Variants in ZNF205 observed in about 807,000 individuals in gnomAD.
The protein encoded by ZNF205 is transcriptional repressor RHIT.
ZNF205 carries 32 observed loss-of-function variants against 53.6 expected under a neutral mutation model. The observed-to-expected ratio is 0.60, with a 90% CI of 0.45 to 0.80. The LOEUF (loss-of-function observed/expected upper bound fraction) is 0.80, where lower values mean the gene tolerates loss of function less well. Ranked by LOEUF, ZNF205 falls within the 30% of genes least tolerant of loss-of-function variation. ZNF205 has a pLI of 0.00. For missense variants in ZNF205, 836 were observed against 782.4 expected, an observed-to-expected ratio of 1.07 and a Z score of -0.82; for synonymous variants, 382 against 334.3, an observed-to-expected ratio of 1.14 and a Z score of -1.56.
chr16:3,116,036 C>T, intron 4 of ZNF205, 116 bp downstream of exon 4: 1 of 1,145,908 alleles, frequency 8.7e-7, no homozygotes, highest in Non-Finnish European at 1.3e-6. Context: ...AAGCCTGGGG[C>T]TCTTGCTAGT....
Position 3,120,179 on chromosome 16 carries a change from C to G in ZNF205, c.1519C>G (p.Pro507Ala). 6.2e-7 allele frequency: 1 copy of G among 1,606,672 alleles called. No homozygotes were observed. The highest frequency in any genetic ancestry group is 8.5e-7 in the Non-Finnish European group (1 of 1,175,510). The change falls in exon 7 of 7, where the codon CCG becomes GCG. Residue 507 changes from proline to alanine, a missense_variant. Transcript: ENST00000219091. ...CCGTGGCGTGCGGCCCTACGCCTGC[C>G]CGTTGTGCGGCAAGAGCTTCAGCCG... Reference protein sequence around the residue: ...THRGVRPYACPLCGKSFSRRS... With the variant: ...THRGVRPYACALCGKSFSRRS...
chr16:3,115,805 G>C (rs762728122), intron 3 of ZNF205, 24 bp from the exon 4 acceptor site: 4 of 1,599,150 alleles, frequency 2.5e-6, no homozygotes, highest in Non-Finnish European at 3.4e-6. Context: ...GCTGATCACC[G>C]TGAGGACCTC....
intron 5 of ZNF205, among the ~76,000 whole-genome samples, chr16:3,118,402 A>C (rs1200612838): frequency 6.6e-6 from 1 of 152,102 alleles, no homozygotes; most frequent in Non-Finnish European, 1.5e-5. Flanking sequence ...CAGATGCCTC[A>C]AGCCACCCGG....
chr16:3,115,560 C>T lies in ZNF205; in HGVS notation c.263C>T (p.Pro88Leu). 2 of 1,590,338 alleles carry T rather than the reference C, an allele frequency of 1.3e-6. No homozygotes were observed. The highest frequency in any genetic ancestry group is 2.7e-5 in the African/African-American group (2 of 73,454). Residue 88 changes from proline (P) to leucine (L), a missense_variant, in exon 3 of 7, where the codon CCT becomes CTT. By Grantham distance (98) the Pro-to-Leu change is moderately conservative. Coordinates refer to ENST00000219091, the MANE Select transcript of ZNF205 (RefSeq NM_001042428.2). Reference protein sequence around the residue: ...HGSKEKALFLPGGALPSPRIP... With the variant: ...HGSKEKALFLLGGALPSPRIP... Reference sequence around the variant, plus strand: ...TCTAAGGAGAAAGCTCTCTTCCTGCCTGGCGGAGGTAGGAGAGGGACGGGG... The same window carrying T: ...TCTAAGGAGAAAGCTCTCTTCCTGCTTGGCGGAGGTAGGAGAGGGACGGGG...
At chr16:3,115,726 C>A (rs1401203752) in intron 3 of ZNF205, 103 bp from the exon 4 acceptor site, 6 of 1,418,274 alleles carry the variant, frequency 4.2e-6, no homozygotes, top group Non-Finnish European at 5.8e-6. Context: ...AGCCATCCGA[C>A]CCTGTCCTTG....
rs375380569 is a variant in ZNF205, at chr16:3,119,006, G to A, written c.586G>A (p.Ala196Thr). 18 of 1,613,150 alleles carry A rather than the reference G, an allele frequency of 1.1e-5. No individual in the cohort carries two copies. Among genetic ancestry groups the A allele is most frequent in the East Asian group, 2.2e-5 (1 of 44,858 alleles). The change falls in exon 6 of 7, where the codon GCG becomes ACG. Residue 196 changes from alanine (A) to threonine (T), a missense_variant. By Grantham distance (58) the Ala-to-Thr change is moderately conservative. Coordinates refer to ENST00000219091, the MANE Select transcript of ZNF205 (RefSeq NM_001042428.2). ...AGGAGATGAGAAGGAGTGGAGAGGC[G>A]CGTGCACAGGTGAGGGACGGGCGCG... ...QAGDEKEWRG[A>T]CTGAVEVGQR...
At chr16:3,113,560 G>A in intron 2 of ZNF205, 73 bp downstream of exon 2, 1 of 1,548,414 alleles carries the variant, frequency 6.5e-7, no homozygotes, top group Non-Finnish European at 8.8e-7. Flanking sequence ...AAGGCACAGA[G>A]TCTGGACCCC....
In ZNF205 at chr16:3,115,533, G is replaced by A; in HGVS notation, c.236G>A (p.Gly79Asp). 2 of 1,597,002 alleles carry A rather than the reference G, an allele frequency of 1.3e-6. No homozygotes were observed. Among genetic ancestry groups the A allele is most frequent in the Non-Finnish European group, 1.7e-6 (2 of 1,174,356 alleles). ...GAWGWAPLSHGSKEKALFLPG... is the reference protein window; with the variant it reads ...GAWGWAPLSHDSKEKALFLPG... The stretch of plus-strand genomic sequence containing the variant: ...TGGGGCTGGGCACCCCTAAGTCACG[G>A]CTCTAAGGAGAAAGCTCTCTTCCTG... Residue 79 changes from glycine to aspartate, a missense_variant, in exon 3 of 7, where the codon GGC becomes GAC. Gly to Asp is a moderately conservative substitution (Grantham distance 94). Coordinates refer to ENST00000219091, the MANE Select transcript of ZNF205 (RefSeq NM_001042428.2).
rs1205122855 is a variant in ZNF205 at position 3,120,232 on chromosome 16, G to C, written c.1572G>C (p.Lys524Asn). The C allele has an allele frequency of 5.0e-6, 8 of 1,608,926 alleles. No homozygotes were observed. The highest frequency in any genetic ancestry group is 5.9e-6 in the Non-Finnish European group (7 of 1,179,736). ...SRRSNLHRHE[K>N]IHTTGPKALA... Reference sequence around the variant, plus strand: ...GCTCCAACCTGCACCGGCACGAGAAGATCCACACCACCGGGCCCAAGGCCC... The same window carrying C: ...GCTCCAACCTGCACCGGCACGAGAACATCCACACCACCGGGCCCAAGGCCC... Residue 524 changes from lysine to asparagine, a missense_variant, in exon 7 of 7, where the codon AAG becomes AAC. By Grantham distance (94) the Lys-to-Asn change is moderately conservative. Coordinates refer to ENST00000219091, the MANE Select transcript of ZNF205 (RefSeq NM_001042428.2).
Position 3,120,112 on chromosome 16 carries a change from C to A in ZNF205, c.1452C>A (p.Ser484Arg). Reference sequence around the variant, plus strand: ...ACCACTGCCTCGACTGCGGCAAGAGCTTCAGCCACAGCTCGCACCTCACCG... The same window carrying A: ...ACCACTGCCTCGACTGCGGCAAGAGATTCAGCCACAGCTCGCACCTCACCG... Reference protein sequence around the residue: ...KPYHCLDCGKSFSHSSHLTAH... With the variant: ...KPYHCLDCGKRFSHSSHLTAH... Residue 484 changes from serine (S) to arginine (R), a missense_variant, in exon 7 of 7, where the codon AGC (serine) becomes AGA (arginine). Ser to Arg is a moderately radical substitution (Grantham distance 110). Coordinates refer to ENST00000219091, the MANE Select transcript of ZNF205 (RefSeq NM_001042428.2). 1 of 1,613,804 alleles carries A rather than the reference C, an allele frequency of 6.2e-7. No homozygotes were observed. Among genetic ancestry groups the A allele is most frequent in the Non-Finnish European group, 8.5e-7 (1 of 1,179,842 alleles).
Position 3,120,046 on chromosome 16 carries a change from C to A in ZNF205, c.1386C>A (p.Asn462Lys). 6.2e-7 allele frequency: 1 copy of A among 1,613,918 alleles called. No individual in the cohort carries two copies. Among genetic ancestry groups the A allele is most frequent in the Non-Finnish European group, 8.5e-7 (1 of 1,179,924 alleles). The change falls in exon 7 of 7, where the codon AAC becomes AAA. Residue 462 changes from asparagine to lysine, a missense_variant. Asn to Lys is a moderately conservative substitution (Grantham distance 94). Coordinates refer to ENST00000219091, the MANE Select transcript of ZNF205 (RefSeq NM_001042428.2). ...GCAAGTGCTTCAGCCAGCGTTCCAACCTCATCGCGCACAACCGCACACACA... is the reference window on the plus strand; with the variant it reads ...GCAAGTGCTTCAGCCAGCGTTCCAAACTCATCGCGCACAACCGCACACACA... Reference protein sequence around the residue: ...ECGKCFSQRSNLIAHNRTHTG... With the variant: ...ECGKCFSQRSKLIAHNRTHTG...
rs1957415467 is a variant in ZNF205, at chr16:3,120,460, G to A, written c.*135G>A. On this transcript the variant is annotated 3_prime_UTR_variant, in exon 7 of 7. Transcript: ENST00000219091. ...GGCATGGGGTGAGGCATGGCGATGGGGGAGGGCGAGGGCGAGAAAGGGCAG... is the reference window on the plus strand; with the variant it reads ...GGCATGGGGTGAGGCATGGCGATGGAGGAGGGCGAGGGCGAGAAAGGGCAG... 1 of 1,057,604 alleles carries A rather than the reference G, an allele frequency of 9.5e-7. No individual in the cohort carries two copies. The highest frequency in any genetic ancestry group is 2.9e-5 in the Admixed American group (1 of 34,232). 65.5% of individuals were successfully genotyped at this position (1,057,604 alleles called of 1,614,324 possible). A position where few individuals can be genotyped will look rare whatever the true frequency, so the allele number is the denominator to read the frequency against.
intron 2 of ZNF205, among the ~76,000 whole-genome samples, chr16:3,113,796 TCTC>T (rs1276235210): frequency 1.3e-5 from 2 of 152,102 alleles, no homozygotes; most frequent in Non-Finnish European, 2.9e-5. Flanking sequence ...TCCCCGTGCT[TCTC>T]CACCTGGAAC....
In ZNF205 at chr16:3,115,900, C is replaced by T. The variant is rs1428717641; in HGVS notation, c.343C>T (p.Leu115Phe). The stretch of plus-strand genomic sequence containing the variant: ...CAGAGACCGGCAGATGGCTGCAGCG[C>T]TCCTCACTGCCTGGTCCCAGGTGAG... ...RTRDRQMAAA[L>F]LTAWSQMPVT... Residue 115 changes from leucine to phenylalanine, a missense_variant, in exon 4 of 7, where the codon CTC becomes TTC. Transcript: ENST00000219091. 2.2e-5 allele frequency: 35 copies of T among 1,613,802 alleles called. No homozygotes were observed. The highest frequency in any genetic ancestry group is 2.9e-5 in the Non-Finnish European group (34 of 1,179,984).
rs1164195280 is a variant in ZNF205, at chr16:3,119,786, C to T, written c.1126C>T (p.His376Tyr). Residue 376 changes from histidine (H) to tyrosine (Y), a missense_variant, in exon 7 of 7, where the codon CAC becomes TAC. Transcript: ENST00000219091. Reference sequence around the variant, plus strand: ...CGCCTGCCGGAAGAGCTTCAGCCACCACTCCACGCTGATTCAGCACCAGCG... The same window carrying T: ...CGCCTGCCGGAAGAGCTTCAGCCACTACTCCACGCTGATTCAGCACCAGCG... ...CPACRKSFSHHSTLIQHQRIH... is the reference protein window; with the variant it reads ...CPACRKSFSHYSTLIQHQRIH... The T allele has an allele frequency of 6.2e-7, 1 of 1,613,098 alleles. No homozygotes were observed. The highest frequency in any genetic ancestry group is 1.3e-5 in the African/African-American group (1 of 74,658).
chr16:3,116,109 C>A (rs1957342235), intron 4 of ZNF205, 189 bp downstream of exon 4: 2 of 722,004 alleles, frequency 2.8e-6, no homozygotes, highest in East Asian at 5.6e-5. Context: ...GGAGGAGAAG[C>A]AGCAGGAATT....
Position 3,120,233 on chromosome 16 carries a change from A to T in ZNF205, c.1573A>T (p.Ile525Phe). The T allele has an allele frequency of 1.2e-6, 2 of 1,608,758 alleles. No individual in the cohort carries two copies. Among genetic ancestry groups the T allele is most frequent in the Non-Finnish European group, 1.7e-6 (2 of 1,179,718 alleles). ...CTCCAACCTGCACCGGCACGAGAAG[A>T]TCCACACCACCGGGCCCAAGGCCCT... ...RRSNLHRHEK[I>F]HTTGPKALAM... Residue 525 changes from isoleucine (I) to phenylalanine (F), a missense_variant, in exon 7 of 7, where the codon ATC (isoleucine) becomes TTC (phenylalanine). By Grantham distance (21) the Ile-to-Phe change is conservative (BLOSUM62 0). Coordinates refer to ENST00000219091, the MANE Select transcript of ZNF205 (RefSeq NM_001042428.2).
Position 3,119,364 on chromosome 16 carries a change from G to A in ZNF205, c.704G>A (p.Cys235Tyr). The change falls in exon 7 of 7, where the codon TGC becomes TAC. Residue 235 changes from cysteine (C) to tyrosine (Y), a missense_variant. By Grantham distance (194) the Cys-to-Tyr change is radical. Coordinates refer to ENST00000219091, the MANE Select transcript of ZNF205 (RefSeq NM_001042428.2). Reference protein sequence around the residue: ...AGRVQWGVPQCAQEAACGRSS... With the variant: ...AGRVQWGVPQYAQEAACGRSS... Reference sequence around the variant, plus strand: ...AGAGTCCAGTGGGGCGTCCCGCAGTGCGCGCAGGAAGCAGCCTGCGGCCGG... The same window carrying A: ...AGAGTCCAGTGGGGCGTCCCGCAGTACGCGCAGGAAGCAGCCTGCGGCCGG... 1 of 1,612,648 alleles carries A rather than the reference G, an allele frequency of 6.2e-7. No individual in the cohort carries two copies. Among genetic ancestry groups the A allele is most frequent in the Admixed American group, 1.7e-5 (1 of 60,006 alleles).
chr16:3,115,797 T>C (rs1300990224), intron 3 of ZNF205, 32 bp from the exon 4 acceptor site: 2 of 1,585,376 alleles, frequency 1.3e-6, no homozygotes, highest in Non-Finnish European at 8.6e-7. Context: ...CAGGATGAGC[T>C]GATCACCGTG....
Sources: allele counts gnomAD v4.1 joint callset (sites outside exome capture counted in the v4.1 genomes callset), GRCh38; gene constraint gnomAD v4.1.1; transcripts MANE v1.5; gene names NCBI Gene and HGNC (gene_info 2026-07-23, HGNC 2026-07-21).